CAMTA1: variants seen among roughly 807,000 people sequenced by gnomAD.
The protein encoded by CAMTA1 is calmodulin-binding transcription activator 1.
In CAMTA1, 27 loss-of-function variants were observed where a neutral mutation model predicts 170.9. That is an observed-to-expected ratio of 0.16 (90% confidence interval 0.12 to 0.22). The LOEUF is 0.22. Among genes scored for constraint, CAMTA1 ranks in the 10% least tolerant of loss-of-function variants. CAMTA1 has a pLI of 1.00. For synonymous variants in CAMTA1, 833 were observed against 891.5 expected, an observed-to-expected ratio of 0.93 and a Z score of 1.17; for missense variants, 1,619 against 2,217.2, an observed-to-expected ratio of 0.73 and a Z score of 5.42.
At chr1:7,147,423 CAAA>C (rs59259023) in intron 4 of CAMTA1, among the ~76,000 whole-genome samples, 83 of 131,074 alleles carry the variant, frequency 6.3e-4, no homozygotes, top group African/African-American at 1.2e-3. Flanking sequence ...GACTCCGTCT[CAAA>C]AAAAAAAAAA....
intron 5 of CAMTA1, among the ~76,000 whole-genome samples, chr1:7,272,692 CAAAAAAA>C (rs371588178): frequency 0.033 from 1,289 of 38,866 alleles, 32 homozygotes; most frequent in African/African-American, 0.11. Flanking sequence ...TAAACACATG[CAAAAAAA>C]AAAAAAAAAA....
At chr1:6,881,797 C>T (rs1444191811) in intron 3 of CAMTA1, among the ~76,000 whole-genome samples, 6 of 152,040 alleles carry the variant, frequency 3.9e-5, no homozygotes, top group Admixed American at 3.9e-4. Context: ...GAAACCCTGT[C>T]ACTACTAAAA....
intron 3 of CAMTA1, among the ~76,000 whole-genome samples, chr1:6,947,954 A>G (rs1056443707): frequency 6.6e-6 from 1 of 152,202 alleles, no homozygotes; most frequent in Non-Finnish European, 1.5e-5. Context: ...ATACAAGATC[A>G]TCTCATCTGT....
Position 7,146,846 on chromosome 1 carries a change from C to A in CAMTA1, c.302+55475C>A, listed in dbSNP as rs1164589685. ...ACACCACACACACATATACCATGCA[C>A]ACACAAACACAAAGACACAACATGT... On this transcript the variant is annotated intron_variant, in intron 4 of 22. Transcript: ENST00000303635. This position sits in a 1 kb window ranked among gnomAD's most constrained non-coding sequence, Gnocchi z 4.3. 1.3e-5 allele frequency among the ~76,000 whole-genome samples: 2 copies of A among 151,952 alleles called. No homozygotes were observed. The highest frequency in any genetic ancestry group is 6.6e-5 in the Admixed American group (1 of 15,254).
At chr1:7,350,537 C>G (rs1005767092) in intron 5 of CAMTA1, among the ~76,000 whole-genome samples, 1 of 152,178 alleles carries the variant, frequency 6.6e-6, no homozygotes, top group South Asian at 2.1e-4. Flanking sequence ...AGCCGTGTGG[C>G]CTTTGAAAAG....
intron 21 of CAMTA1, among the ~76,000 whole-genome samples, chr1:7,754,595 G>C (rs915530167): frequency 2.0e-5 from 3 of 152,192 alleles, no homozygotes; most frequent in Admixed American, 2.0e-4. Context: ...CTGTAAACTG[G>C]TAGAGGAAAA....
intron 5 of CAMTA1, among the ~76,000 whole-genome samples, chr1:7,307,777 G>A (rs1232546325): frequency 6.6e-6 from 1 of 151,766 alleles, no homozygotes; most frequent in East Asian, 1.9e-4. Context: ...GGTGATTTTT[G>A]CATTTCTGTT....
chr1:7,070,936 G>T (rs988382706), intron 3 of CAMTA1, among the ~76,000 whole-genome samples: 3 of 152,234 alleles, frequency 2.0e-5, no homozygotes, highest in Non-Finnish European at 4.4e-5. Flanking sequence ...TGGAAGAGAG[G>T]CGCTGACTTG....
At position 7,592,426 on chromosome 1, in the gene CAMTA1, T is replaced by C. The variant is rs2095362353; in HGVS notation, c.511-47974T>C. Among the ~76,000 whole-genome samples the C allele has an allele frequency of 2.0e-5, 3 of 152,174 alleles. No individual in the cohort carries two copies. In the South Asian group the frequency reaches 6.2e-4, roughly 32 times the overall value. ...GGCACCTTGCAGTAGTGTTGCCCGC[T>C]TCCTAACAGGAACAGGACAGATATT... On this transcript the variant is annotated intron_variant, in intron 6 of 22. Coordinates refer to ENST00000303635, the MANE Select transcript of CAMTA1 (RefSeq NM_015215.4). This position sits in a 1 kb window ranked among gnomAD's most constrained non-coding sequence, Gnocchi z 4.6.
Position 6,871,902 on chromosome 1 carries a change from T to C in CAMTA1, c.234+46692T>C, listed in dbSNP as rs890563460. On this transcript the variant is annotated intron_variant, in intron 3 of 22. Transcript: ENST00000303635. ...AATTTTGGTGTACAAGCTGTAACAT[T>C]TCATCTTTCAAAGTGTAACACGCTG... 7 of 1,378,430 alleles carry C rather than the reference T, an allele frequency of 5.1e-6. No homozygotes were observed. In the African/African-American group the frequency reaches 9.0e-5, roughly 18 times the overall value. The allele number at this position is 1,378,430 out of a possible 1,614,324, so 85.4% of individuals were successfully genotyped here.
intron 11 of CAMTA1, among the ~76,000 whole-genome samples, chr1:7,696,620 C>T (rs1263709059): frequency 6.6e-6 from 1 of 152,012 alleles, no homozygotes; most frequent in Non-Finnish European, 1.5e-5. Context: ...TGTGACTCTA[C>T]TGGGCTGTAG....
chr1:6,972,471 T>C (rs1386608316), intron 3 of CAMTA1, among the ~76,000 whole-genome samples: 1 of 152,226 alleles, frequency 6.6e-6, no homozygotes, highest in African/African-American at 2.4e-5. Flanking sequence ...TGTGTGCTGA[T>C]TTCTGCAATT....
intron 3 of CAMTA1, among the ~76,000 whole-genome samples, chr1:6,988,743 CT>C (rs754181105): frequency 1.8e-4 from 27 of 152,322 alleles, no homozygotes; most frequent in Non-Finnish European, 3.5e-4. Flanking sequence ...CTCATTCCCC[CT>C]CTCCAGGTTC....
At chr1:7,646,924 G>C (rs1276483232) in intron 7 of CAMTA1, among the ~76,000 whole-genome samples, 1 of 152,184 alleles carries the variant, frequency 6.6e-6, no homozygotes, top group African/African-American at 2.4e-5. Context: ...GGTTTTCCAG[G>C]GGCCAGGGTG....
In CAMTA1 at chr1:7,092,574, T is replaced by C. The variant is rs9434837; in HGVS notation, c.302+1203T>C. On this transcript the variant is annotated intron_variant, in intron 4 of 22. Coordinates refer to ENST00000303635, the MANE Select transcript of CAMTA1 (RefSeq NM_015215.4). The surrounding 1 kb of genome is among the most constrained non-coding windows in gnomAD (Gnocchi z 5.0). ...CTGGCCTGAGAATGGGAGGAGAGTC[T>C]GTCCGCAGGAGTCCCCAAAACCTCA... is the stretch of plus-strand genomic sequence containing the variant. 0.72 allele frequency among the ~76,000 whole-genome samples: 108,952 copies of C among 152,018 alleles called. 40,098 individuals are homozygous for C. The highest frequency in any genetic ancestry group is 0.9 in the African/African-American group (37,143 of 41,496).
rs1212676461 is a variant in CAMTA1 at position 7,738,592 on chromosome 1, G to A, written c.4182+110G>A. The A allele has an allele frequency of 5.6e-6, 7 of 1,249,368 alleles. No homozygotes were observed. The East Asian group carries it at 7.5e-5, about 13-fold the overall frequency. 77.4% of individuals were successfully genotyped at this position (1,249,368 alleles called of 1,614,324 possible). On this transcript the variant is annotated intron_variant, in intron 16 of 22. Transcript: ENST00000303635. This position sits in a 1 kb window ranked among gnomAD's most constrained non-coding sequence, Gnocchi z 4.9. The stretch of plus-strand genomic sequence containing the variant: ...TCATTTTCCTCCCCGTGAAGCCTTC[G>A]AAGTTGGCTTTGTGCAGAACATCGT...
intron 11 of CAMTA1, among the ~76,000 whole-genome samples, chr1:7,717,336 A>C (rs972862697): frequency 6.6e-6 from 1 of 152,240 alleles, no homozygotes; most frequent in African/African-American, 2.4e-5. Flanking sequence ...ATTTGTACAT[A>C]GTGCATTACT....
At chr1:6,860,739 C>T (rs1414187932) in intron 3 of CAMTA1, among the ~76,000 whole-genome samples, 2 of 151,916 alleles carry the variant, frequency 1.3e-5, no homozygotes, top group African/African-American at 4.8e-5. Flanking sequence ...GGTGAAACCC[C>T]ATCTCTACTA....
intron 10 of CAMTA1, among the ~76,000 whole-genome samples, chr1:7,676,413 G>A (rs1193078096): frequency 1.3e-5 from 2 of 152,226 alleles, no homozygotes; most frequent in Non-Finnish European, 2.9e-5. Flanking sequence ...ATGGCAAGAT[G>A]GCTGCTGCCT....
Sources: gnomAD v4.1 joint callset for allele counts (sites outside exome capture counted in the v4.1 genomes callset) on GRCh38, gnomAD v4.1.1 for gene constraint, Gnocchi (gnomAD v3.1) non-coding constraint, MANE v1.5 for transcripts, NCBI Gene and HGNC (gene_info 2026-07-23, HGNC 2026-07-21) for gene names.